Variants in TAFA2 observed in about 807,000 individuals in gnomAD.
TAFA2 encodes the protein chemokine-like protein TAFA-2.
A neutral mutation model predicts 18.8 loss-of-function variants in TAFA2; 7 were observed. The ratio of observed to expected loss-of-function variants is 0.37; its 90% CI spans 0.21 to 0.70. The LOEUF is 0.70. TAFA2 is among the 30% of genes least tolerant of loss of function. The pLI is 0.53. For missense variants in TAFA2, 122 were observed against 158.1 expected (o/e 0.77, Z 1.23); for synonymous variants, 60 against 54.2 (o/e 1.11, Z -0.47).
chr12:62,118,762 A>T (rs1338125249), intron 1 of TAFA2, among the ~76,000 whole-genome samples: 1 of 152,112 alleles, frequency 6.6e-6, no homozygotes, highest in Non-Finnish European at 1.5e-5. Flanking sequence ...TTTGTTAGTC[A>T]TATGAGTTTT....
Position 61,710,014 on chromosome 12 carries a change from G to A in TAFA2, c.*392C>T. On this transcript the variant is annotated 3_prime_UTR_variant, in exon 5 of 5. Coordinates refer to ENST00000416284, the MANE Select transcript of TAFA2 (RefSeq NM_178539.5). ...AACATAGGACCCAGGAACACATCCA[G>A]GACAGAAGGACAGTGCACTTGGGAT... The A allele has an allele frequency of 5.1e-6, 1 of 194,650 alleles. No individual in the cohort carries two copies. Among genetic ancestry groups the A allele is most frequent in the South Asian group, 1.3e-4 (1 of 7,576 alleles). 12.1% of individuals were successfully genotyped at this position (194,650 alleles called of 1,614,324 possible).
chr12:61,760,125 T>G (rs11174161), intron 2 of TAFA2, among the ~76,000 whole-genome samples: 56,805 of 146,242 alleles, frequency 0.39, 11,596 homozygotes, highest in African/African-American at 0.52. Flanking sequence ...AAACATGTGG[T>G]AGTTTCCTGG....
chr12:62,146,347 A>G (rs1006517192), intron 1 of TAFA2, among the ~76,000 whole-genome samples: 1 of 143,954 alleles, frequency 6.9e-6, no homozygotes, highest in African/African-American at 2.6e-5. Context: ...GCAGTGGCAC[A>G]ATCTTGGCTC....
At chr12:62,232,267 C>A (rs1217637975) in intron 1 of TAFA2, among the ~76,000 whole-genome samples, 2 of 152,098 alleles carry the variant, frequency 1.3e-5, no homozygotes, top group Admixed American at 6.5e-5. Context: ...ACTCTCACAC[C>A]CTGGCCAAAG....
chr12:62,050,314 T>C (rs1882016844), intron 1 of TAFA2, among the ~76,000 whole-genome samples: 1 of 152,042 alleles, frequency 6.6e-6, no homozygotes, highest in Admixed American at 6.5e-5. Context: ...CTCACGCCTG[T>C]AATCCCAGCA....
chr12:62,139,124 C>T (rs561211088), intron 1 of TAFA2, among the ~76,000 whole-genome samples: 1 of 152,160 alleles, frequency 6.6e-6, no homozygotes, highest in African/African-American at 2.4e-5. Flanking sequence ...CCTTTACCAA[C>T]CTAGGAAAAG....
chr12:61,724,568 T>C (rs2120615858), intron 4 of TAFA2, among the ~76,000 whole-genome samples: 1 of 152,232 alleles, frequency 6.6e-6, no homozygotes, highest in Middle Eastern at 3.4e-3. Flanking sequence ...CCCCAAAGTT[T>C]ATTGTATCAT....
intron 1 of TAFA2, chr12:61,880,157 G>A (rs1875057623): frequency 3.6e-6 from 2 of 563,210 alleles, no homozygotes; most frequent in South Asian, 3.4e-5. Flanking sequence ...GGCTAAGGCT[G>A]ACAGCATGTA....
At chr12:61,991,580 A>G (rs374150852) in intron 1 of TAFA2, among the ~76,000 whole-genome samples, 1 of 152,186 alleles carries the variant, frequency 6.6e-6, no homozygotes, top group Non-Finnish European at 1.5e-5. Flanking sequence ...AGTTAAGTCA[A>G]TTTATCCCTC....
At chr12:61,817,985 G>C (rs1239976252) in intron 2 of TAFA2, among the ~76,000 whole-genome samples, 2 of 152,036 alleles carry the variant, frequency 1.3e-5, no homozygotes, top group Admixed American at 6.6e-5. Flanking sequence ...ACCCAAGGCT[G>C]CCAACTAGCC....
chr12:62,044,021 C>G (rs372012872), intron 1 of TAFA2, among the ~76,000 whole-genome samples: 1 of 152,114 alleles, frequency 6.6e-6, no homozygotes, highest in East Asian at 1.9e-4. Context: ...ACTCTCGAGG[C>G]TTGCAAGTGT....
At chr12:61,866,572 T>C (rs2121217306) in intron 2 of TAFA2, among the ~76,000 whole-genome samples, 1 of 152,250 alleles carries the variant, frequency 6.6e-6, no homozygotes, top group African/African-American at 2.4e-5. Flanking sequence ...GAAAAAGTAG[T>C]TGTTCATTAT....
intron 2 of TAFA2, among the ~76,000 whole-genome samples, chr12:61,755,764 A>C (rs1869235103): frequency 6.6e-6 from 1 of 152,212 alleles, no homozygotes; most frequent in Non-Finnish European, 1.5e-5. Context: ...TTGAATAAGG[A>C]CACTAAGTGT....
chr12:61,863,843 G>T (rs867779238), intron 2 of TAFA2, among the ~76,000 whole-genome samples: 1 of 152,134 alleles, frequency 6.6e-6, no homozygotes, highest in South Asian at 2.1e-4. Flanking sequence ...GCCACTCCTT[G>T]CCATGGGGAA....
intron 2 of TAFA2, among the ~76,000 whole-genome samples, chr12:61,823,681 C>A (rs1872414544): frequency 6.6e-6 from 1 of 152,128 alleles, no homozygotes; most frequent in African/African-American, 2.4e-5. Context: ...TTGAAACAAC[C>A]AGCAAATAAA....
In TAFA2 at chr12:61,709,163, A is replaced by G. The variant is rs1460671472; in HGVS notation, c.*1243T>C. 6.6e-6 allele frequency: 1 copy of G among 152,562 alleles called. No homozygotes were observed. Among genetic ancestry groups the G allele is most frequent in the African/African-American group, 2.4e-5 (1 of 41,440 alleles). The allele number at this position is 152,562 out of a possible 1,614,324, so 9.5% of individuals were successfully genotyped here. On this transcript the variant is annotated 3_prime_UTR_variant, in exon 5 of 5. Transcript: ENST00000416284. ...GTAGTACAAAATTATACATTCTATA[A>G]CTTAGAAAAAAAAAGTACATACATG...
At chr12:62,068,117 A>C (rs1190954954) in intron 1 of TAFA2, among the ~76,000 whole-genome samples, 1 of 152,082 alleles carries the variant, frequency 6.6e-6, no homozygotes, top group Non-Finnish European at 1.5e-5. Context: ...TTAAATAAAA[A>C]TTTTAAAAAA....
intron 4 of TAFA2, among the ~76,000 whole-genome samples, chr12:61,719,386 G>A (rs1421739202): frequency 6.6e-6 from 1 of 152,132 alleles, no homozygotes. Flanking sequence ...CACTGTTGTA[G>A]AACCTAATAT....
At chr12:62,235,108 C>A in intron 1 of TAFA2, 1 of 634,066 alleles carries the variant, frequency 1.6e-6, no homozygotes, top group Admixed American at 1.9e-5. Context: ...GTACTGGCCT[C>A]TCCTACAGGC....
Sources: gnomAD v4.1 joint callset for allele counts (sites outside exome capture counted in the v4.1 genomes callset) on GRCh38, gnomAD v4.1.1 for gene constraint, MANE v1.5 for transcripts, NCBI Gene and HGNC (gene_info 2026-07-23, HGNC 2026-07-21) for gene names.